Variants in COL4A5 observed in about 807,000 individuals in gnomAD.
The protein encoded by COL4A5 is collagen type IV alpha 5 chain, also known as collagen alpha-5(IV) chain.
COL4A5 carries 26 observed loss-of-function variants against 130.2 expected under a neutral mutation model. The observed-to-expected ratio is 0.20, with a 90% CI of 0.15 to 0.28. The LOEUF (loss-of-function observed/expected upper bound fraction) is 0.28. Ranked by LOEUF, COL4A5 falls within the 10% of genes least tolerant of loss-of-function variation. The pLI, the probability that COL4A5 is intolerant of heterozygous loss-of-function variation, is 1.00. For missense variants in COL4A5, 1,131 were observed against 1,344.3 expected, an observed-to-expected ratio of 0.84 and a Z score of 2.48; for synonymous variants, 496 against 439.6, an observed-to-expected ratio of 1.13 and a Z score of -1.60.
intron 1 of COL4A5, among the ~76,000 whole-genome samples, chrX:108,448,101 A>C (rs2064473096): frequency 8.9e-6 from 1 of 112,490 alleles, no homozygotes; most frequent in Non-Finnish European, 1.9e-5. Flanking sequence ...AGGGCAGTCT[A>C]TGATGGTACT....
At chrX:108,492,263 C>T (rs763838565) in intron 1 of COL4A5, among the ~76,000 whole-genome samples, 2 of 111,474 alleles carry the variant, frequency 1.8e-5, no homozygotes, top group Non-Finnish European at 3.8e-5. Context: ...TTGTTCCAGG[C>T]GTTTTAGGAA....
At chrX:108,610,603 A>G (rs1251539649) in intron 29 of COL4A5, among the ~76,000 whole-genome samples, 1 of 111,614 alleles carries the variant, frequency 9.0e-6, no homozygotes, top group East Asian at 2.8e-4. Context: ...TGTGGAAGTT[A>G]CCCACTTACT....
chrX:108,506,341 C>CATCTATCTATCT (rs59216072), intron 1 of COL4A5, among the ~76,000 whole-genome samples: 1 of 98,055 alleles, frequency 1.0e-5, no homozygotes, highest in Non-Finnish European at 2.1e-5. Context: ...TTTATTCTAT[C>CATCTATCTATCT]ATCTATCTAT....
rs1255539534 is a variant in COL4A5 at position 108,691,344 on chromosome X, TA to T, written c.4529-1396del. Reference sequence around the variant, plus strand: ...ACTTGATCACTATGGATTATATACATAAAAAAAATGTTCATGTGCCCCATAA... The same window carrying T: ...ACTTGATCACTATGGATTATATACATAAAAAAATGTTCATGTGCCCCATAA... On this transcript the variant is annotated intron_variant, in intron 49 of 52. Coordinates refer to ENST00000328300, the MANE Select transcript of COL4A5 (RefSeq NM_033380.3). Among the ~76,000 whole-genome samples the T allele has an allele frequency of 3.6e-5, 4 of 110,970 alleles. No homozygotes were observed. In the East Asian group the frequency reaches 8.5e-4, roughly 23 times the overall value.
chrX:108,602,592 T>C (rs919265092), intron 27 of COL4A5, among the ~76,000 whole-genome samples: 1 of 112,320 alleles, frequency 8.9e-6, no homozygotes, highest in African/African-American at 3.2e-5. Context: ...TCTGCAGTTA[T>C]TTTTAGATCA....
At chrX:108,589,192 A>G (rs1431567445) in intron 19 of COL4A5, among the ~76,000 whole-genome samples, 1 of 111,547 alleles carries the variant, frequency 9.0e-6, no homozygotes, top group Non-Finnish European at 1.9e-5. Context: ...TGTTAGGGAA[A>G]GATAATATAA....
chrX:108,509,990 C>A (rs1292582069), intron 1 of COL4A5, among the ~76,000 whole-genome samples: 4 of 112,221 alleles, frequency 3.6e-5, no homozygotes, highest in African/African-American at 1.3e-4. Flanking sequence ...AAAGAATGAT[C>A]TCATGTATTT....
At chrX:108,610,727 A>G (rs773793887) in intron 29 of COL4A5, among the ~76,000 whole-genome samples, 8 of 111,888 alleles carry the variant, frequency 7.2e-5, no homozygotes, top group Non-Finnish European at 1.3e-4. Context: ...AAATTAGGAT[A>G]TGGCATTCCC....
At chrX:108,500,246 A>T (rs765253175) in intron 1 of COL4A5, among the ~76,000 whole-genome samples, 4 of 112,134 alleles carry the variant, frequency 3.6e-5, no homozygotes, top group South Asian at 3.7e-4. Flanking sequence ...GTGATCCCCA[A>T]CCACCCAAGA....
chrX:108,640,241 A>G (rs1202192654), intron 36 of COL4A5, among the ~76,000 whole-genome samples: 1 of 111,934 alleles, frequency 8.9e-6, no homozygotes, highest in African/African-American at 3.2e-5. Context: ...ATACTACAAT[A>G]TGGATTAACT....
At chrX:108,587,754 C>T (rs1195679109) in intron 19 of COL4A5, among the ~76,000 whole-genome samples, 1 of 110,859 alleles carries the variant, frequency 9.0e-6, no homozygotes, top group Non-Finnish European at 1.9e-5. Flanking sequence ...GTGAGAGTTC[C>T]CTCTTCTCTG....
At chrX:108,459,126 T>G (rs1260940095) in intron 1 of COL4A5, among the ~76,000 whole-genome samples, 1 of 112,164 alleles carries the variant, frequency 8.9e-6, no homozygotes, top group African/African-American at 3.3e-5. Context: ...TTCAATTGTT[T>G]GTTGTTGGTA....
chrX:108,471,144 A>C (rs1159663089), intron 1 of COL4A5, among the ~76,000 whole-genome samples: 1 of 111,694 alleles, frequency 9.0e-6, no homozygotes, highest in East Asian at 2.8e-4. Flanking sequence ...TTTTGGTTCC[A>C]TATGAATGTA....
At chrX:108,614,134 A>G (rs916424751) in intron 29 of COL4A5, among the ~76,000 whole-genome samples, 1 of 112,099 alleles carries the variant, frequency 8.9e-6, no homozygotes, top group African/African-American at 3.2e-5. Flanking sequence ...GTGAATCTCA[A>G]ATGCATTGTA....
chrX:108,675,788 TAAAG>T (rs2068291635), intron 43 of COL4A5, among the ~76,000 whole-genome samples: 1 of 111,833 alleles, frequency 8.9e-6, no homozygotes, highest in Admixed American at 9.5e-5. Flanking sequence ...ATTTTACTAA[TAAAG>T]AAAATAATAA....
At chrX:108,452,934 C>T (rs1343179660) in intron 1 of COL4A5, among the ~76,000 whole-genome samples, 1 of 110,495 alleles carries the variant, frequency 9.1e-6, no homozygotes, top group Non-Finnish European at 1.9e-5. Context: ...CCAGTTTTTG[C>T]CCATTCAGTA....
intron 37 of COL4A5, among the ~76,000 whole-genome samples, chrX:108,655,876 G>C (rs1376118874): frequency 8.9e-6 from 1 of 112,712 alleles, no homozygotes; most frequent in Non-Finnish European, 1.9e-5. Context: ...CAAATGGCAA[G>C]GATTGAGCCA....
intron 36 of COL4A5, among the ~76,000 whole-genome samples, chrX:108,648,846 A>G (rs905459976): frequency 3.6e-5 from 4 of 110,885 alleles, no homozygotes; most frequent in African/African-American, 1.3e-4. Flanking sequence ...AAGGATGCCC[A>G]CTCTCACCAC....
intron 36 of COL4A5, among the ~76,000 whole-genome samples, chrX:108,652,774 T>C (rs1210140901): frequency 2.7e-5 from 3 of 112,392 alleles, no homozygotes; most frequent in African/African-American, 9.7e-5. Context: ...TACAACACAG[T>C]GACCTTGAAA....
Sources: allele counts gnomAD v4.1 joint callset (sites outside exome capture counted in the v4.1 genomes callset), GRCh38; gene constraint gnomAD v4.1.1; transcripts MANE v1.5; gene names NCBI Gene and HGNC (gene_info 2026-07-23, HGNC 2026-07-21).